UBE2E2: variants seen among roughly 807,000 people sequenced by gnomAD.
UBE2E2 encodes the protein ubiquitin-conjugating enzyme E2 E2.
In UBE2E2, 6 loss-of-function variants were observed where a neutral mutation model predicts 24.7. That is an observed-to-expected ratio of 0.24 (90% CI 0.13 to 0.48). The LOEUF is 0.48. Among genes scored for constraint, UBE2E2 ranks in the 20% least tolerant of loss-of-function variants. The pLI, the probability that UBE2E2 is intolerant of heterozygous loss-of-function variation, is 0.99. For synonymous variants in UBE2E2, 104 were observed against 83.6 expected, an observed-to-expected ratio of 1.24 and a Z score of -1.33; for missense variants, 169 against 245.0, an observed-to-expected ratio of 0.69 and a Z score of 2.07.
At chr3:23,248,176 G>C (rs1358210875) in intron 3 of UBE2E2, among the ~76,000 whole-genome samples, 1 of 152,130 alleles carries the variant, frequency 6.6e-6, no homozygotes, top group Admixed American at 6.5e-5. Flanking sequence ...ATGTACTTCA[G>C]CTTCACACAT....
At chr3:23,208,266 T>C (rs1385264429) in intron 1 of UBE2E2, among the ~76,000 whole-genome samples, 2 of 152,302 alleles carry the variant, frequency 1.3e-5, no homozygotes, top group Admixed American at 1.3e-4. Flanking sequence ...AAACAGTTTG[T>C]GGTCCTTTGT....
chr3:23,209,714 C>T (rs145772608), intron 2 of UBE2E2, among the ~76,000 whole-genome samples: 45 of 152,204 alleles, frequency 3.0e-4, no homozygotes, highest in African/African-American at 1.1e-3. Flanking sequence ...AAGGGGAACT[C>T]CTTTCTCAAA....
At chr3:23,508,137 T>A (rs1044579812) in intron 4 of UBE2E2, among the ~76,000 whole-genome samples, 1 of 152,212 alleles carries the variant, frequency 6.6e-6, no homozygotes, top group African/African-American at 2.4e-5. Flanking sequence ...TGATAAACTT[T>A]TAATAATGGC....
At chr3:23,552,463 T>C (rs1218145095) in intron 5 of UBE2E2, among the ~76,000 whole-genome samples, 2 of 152,122 alleles carry the variant, frequency 1.3e-5, no homozygotes, top group Non-Finnish European at 2.9e-5. Context: ...AAGCGCCTGT[T>C]TAACTAAACT....
At chr3:23,259,586 G>A (rs1433499708) in intron 3 of UBE2E2, among the ~76,000 whole-genome samples, 2 of 138,332 alleles carry the variant, frequency 1.4e-5, no homozygotes, top group Non-Finnish European at 3.2e-5. Flanking sequence ...AAAAAAAAAA[G>A]TCTTGACTCA....
At chr3:23,349,539 G>A (rs796187900) in intron 3 of UBE2E2, among the ~76,000 whole-genome samples, 4 of 152,230 alleles carry the variant, frequency 2.6e-5, no homozygotes, top group African/African-American at 4.8e-5. Context: ...CTAATACTGC[G>A]CTTTTCTGAC....
Position 23,217,033 on chromosome 3 carries a change from GTTCC to G in UBE2E2, c.177-224_177-221del, listed in dbSNP as rs538615364. On this transcript the variant is annotated intron_variant, in intron 2 of 5. Coordinates refer to ENST00000396703, the MANE Select transcript of UBE2E2 (RefSeq NM_152653.4). ...GTCAGTGGTTCAGTGAAGTCGTAGT[GTTCC>G]TTCCACAGGTTGCATGCACTGGTAG... Among the ~76,000 whole-genome samples, 22 of 152,230 alleles carry G rather than the reference GTTCC, an allele frequency of 1.4e-4. No homozygotes were observed. The East Asian group carries it at 4.2e-3, about 29-fold the overall frequency.
intron 3 of UBE2E2, among the ~76,000 whole-genome samples, chr3:23,238,348 G>A (rs1396920246): frequency 6.6e-6 from 1 of 152,158 alleles, no homozygotes; most frequent in Non-Finnish European, 1.5e-5. Context: ...TACTCCACCT[G>A]CCTTGTAGGA....
intron 3 of UBE2E2, among the ~76,000 whole-genome samples, chr3:23,317,516 G>A (rs890088438): frequency 1.3e-5 from 2 of 152,166 alleles, no homozygotes; most frequent in Admixed American, 6.5e-5. Flanking sequence ...ACCGGAGACC[G>A]GGTGATTTAT....
chr3:23,242,902 A>G (rs1171058293), intron 3 of UBE2E2, among the ~76,000 whole-genome samples: 1 of 152,056 alleles, frequency 6.6e-6, no homozygotes, highest in East Asian at 1.9e-4. Context: ...CCTGGCCAAC[A>G]TGGTGAAACC....
intron 5 of UBE2E2, among the ~76,000 whole-genome samples, chr3:23,535,345 C>G (rs955060863): frequency 6.6e-6 from 1 of 152,144 alleles, no homozygotes; most frequent in Non-Finnish European, 1.5e-5. Context: ...CGATAAACAC[C>G]TACTCAGTTG....
At chr3:23,308,801 C>T (rs1429713752) in intron 3 of UBE2E2, among the ~76,000 whole-genome samples, 5 of 152,112 alleles carry the variant, frequency 3.3e-5, no homozygotes, top group East Asian at 1.9e-4. Context: ...TGATGGAAGC[C>T]GGTAGCATGG....
chr3:23,287,291 G>T (rs1278137974), intron 3 of UBE2E2, among the ~76,000 whole-genome samples: 1 of 152,092 alleles, frequency 6.6e-6, no homozygotes, highest in Non-Finnish European at 1.5e-5. Context: ...ATGATAAAAT[G>T]ATCTTTTAAA....
chr3:23,300,185 G>T (rs910246169), intron 3 of UBE2E2, among the ~76,000 whole-genome samples: 3 of 152,080 alleles, frequency 2.0e-5, no homozygotes, highest in Non-Finnish European at 4.4e-5. Context: ...GTCTCTGCAC[G>T]TGAGATGGGT....
intron 3 of UBE2E2, among the ~76,000 whole-genome samples, chr3:23,250,828 A>T (rs183231365): frequency 6.6e-6 from 1 of 152,124 alleles, no homozygotes; most frequent in Non-Finnish European, 1.5e-5. Flanking sequence ...GGCTTCTGAT[A>T]TGGGTAATTT....
intron 3 of UBE2E2, among the ~76,000 whole-genome samples, chr3:23,290,228 TG>T (rs1409500383): frequency 1.3e-5 from 2 of 152,218 alleles, no homozygotes; most frequent in East Asian, 3.9e-4. Flanking sequence ...CTTGTTACCT[TG>T]TTAGGTCAGT....
chr3:23,514,068 A>G (rs1008207350), intron 4 of UBE2E2, among the ~76,000 whole-genome samples: 5 of 152,196 alleles, frequency 3.3e-5, no homozygotes, highest in Non-Finnish European at 7.3e-5. Flanking sequence ...GCCCTACGTG[A>G]TCTCTCTGCC....
At chr3:23,577,593 G>A (rs1696373269) in intron 5 of UBE2E2, among the ~76,000 whole-genome samples, 1 of 152,204 alleles carries the variant, frequency 6.6e-6, no homozygotes, top group Admixed American at 6.5e-5. Flanking sequence ...AAGGAACAAG[G>A]CAGGTGCAAG....
At chr3:23,333,945 G>A (rs957004208) in intron 3 of UBE2E2, among the ~76,000 whole-genome samples, 1 of 152,112 alleles carries the variant, frequency 6.6e-6, no homozygotes, top group African/African-American at 2.4e-5. Context: ...TAGAACTTAA[G>A]ATCTCATGTT....
Sources: gnomAD v4.1 joint callset for allele counts (sites outside exome capture counted in the v4.1 genomes callset) on GRCh38, gnomAD v4.1.1 for gene constraint, MANE v1.5 for transcripts, NCBI Gene and HGNC (gene_info 2026-07-23, HGNC 2026-07-21) for gene names.